Variants in ARHGAP26 observed in about 807,000 individuals in gnomAD.
ARHGAP26 encodes Rho GTPase activating protein 26, also known as rho GTPase-activating protein 26.
ARHGAP26 carries 38 observed loss-of-function variants against 104.8 expected under a neutral mutation model. The ratio of observed to expected loss-of-function variants is 0.36; its 90% CI spans 0.28 to 0.48. The LOEUF is 0.48. ARHGAP26 is among the 20% of genes least tolerant of loss of function. The pLI, the probability that ARHGAP26 is intolerant of heterozygous loss-of-function variation, is 0.99. For synonymous variants in ARHGAP26, 341 were observed against 340.0 expected, an observed-to-expected ratio of 1.00 and a Z score of -0.03; for missense variants, 704 against 947.9, an observed-to-expected ratio of 0.74 and a Z score of 3.38.
chr5:142,843,106 C>G (rs1771132779), intron 1 of ARHGAP26, among the ~76,000 whole-genome samples: 2 of 152,190 alleles, frequency 1.3e-5, no homozygotes, highest in African/African-American at 4.8e-5. Flanking sequence ...GGGTTGCTTT[C>G]TATGTCTGGA....
At chr5:143,079,456 CA>C (rs1789503238) in intron 17 of ARHGAP26, among the ~76,000 whole-genome samples, 1 of 152,144 alleles carries the variant, frequency 6.6e-6, no homozygotes, top group South Asian at 2.1e-4. Flanking sequence ...GGAGATCACC[CA>C]GGAAGCTCCC....
At position 142,890,151 on chromosome 5, in the gene ARHGAP26, AATATATATATATATATATATATAT is replaced by A. The variant is rs752591382; in HGVS notation, c.487-4064_487-4041del. On this transcript the variant is annotated intron_variant, in intron 5 of 22. Coordinates refer to ENST00000645722, the MANE Select transcript of ARHGAP26 (RefSeq NM_001135608.3). ...AACTCCGTCTTAAAAAAAAAAAAAAAATATATATATATATATATATATATATATATATATATATATATATATGAA... is the reference window on the plus strand; with the variant it reads ...AACTCCGTCTTAAAAAAAAAAAAAAAATATATATATATATATATATATGAA... Among the ~76,000 whole-genome samples the A allele has an allele frequency of 4.3e-3, 140 of 32,448 alleles. 2 individuals are homozygous for A. Among genetic ancestry groups the A allele is most frequent in the Non-Finnish European group, 5.4e-3 (99 of 18,296 alleles). 21.3% of individuals were successfully genotyped at this position (32,448 alleles called of 152,430 possible).
chr5:142,809,530 A>G (rs1170651725), intron 1 of ARHGAP26, among the ~76,000 whole-genome samples: 1 of 152,206 alleles, frequency 6.6e-6, no homozygotes, highest in African/African-American at 2.4e-5. Flanking sequence ...CCAGGCAGTG[A>G]GTCCCGGTGG....
intron 1 of ARHGAP26, among the ~76,000 whole-genome samples, chr5:142,777,884 T>C (rs943845358): frequency 2.0e-5 from 3 of 152,288 alleles, no homozygotes; most frequent in Non-Finnish European, 4.4e-5. Context: ...TTATTCTAAG[T>C]GTGATGGGCA....
chr5:143,216,276 G>A (rs774962641), intron 22 of ARHGAP26: 23 of 470,942 alleles, frequency 4.9e-5, no homozygotes, highest in Admixed American at 2.4e-5. Context: ...TCCACTGGCC[G>A]CCTGACACAT....
chr5:143,224,167 A>C lies in ARHGAP26; in HGVS notation c.*1721A>C, dbSNP rs979131350. Reference sequence around the variant, plus strand: ...AGTGATTTGAAATACTATATGGCAAAGTTTTATATTTGATATTCTTTAAGT... The same window carrying C: ...AGTGATTTGAAATACTATATGGCAACGTTTTATATTTGATATTCTTTAAGT... On this transcript the variant is annotated 3_prime_UTR_variant, in exon 23 of 23. Coordinates refer to ENST00000645722, the MANE Select transcript of ARHGAP26 (RefSeq NM_001135608.3). The C allele has an allele frequency of 4.3e-6, 1 of 230,048 alleles. No homozygotes were observed. The highest frequency in any genetic ancestry group is 5.7e-5 in the Admixed American group (1 of 17,662). 14.3% of individuals were successfully genotyped at this position (230,048 alleles called of 1,614,324 possible). A position where few individuals can be genotyped will look rare whatever the true frequency, so the allele number is the denominator to read the frequency against.
chr5:142,870,966 A>C (rs1755198818), intron 1 of ARHGAP26, among the ~76,000 whole-genome samples: 1 of 152,224 alleles, frequency 6.6e-6, no homozygotes, highest in Non-Finnish European at 1.5e-5. Flanking sequence ...ACAGGTGTCC[A>C]CTTTAGCTGT....
chr5:142,793,096 T>C (rs1485372942), intron 1 of ARHGAP26, among the ~76,000 whole-genome samples: 1 of 151,966 alleles, frequency 6.6e-6, no homozygotes, highest in Non-Finnish European at 1.5e-5. Flanking sequence ...TGCCCTCGAG[T>C]AGTGGGACCG....
chr5:143,208,109 T>A (rs1464751626), intron 21 of ARHGAP26, among the ~76,000 whole-genome samples: 1 of 152,186 alleles, frequency 6.6e-6, no homozygotes, highest in South Asian at 2.1e-4. Flanking sequence ...ACCTAGTTCC[T>A]CTTCTCAGGG....
intron 1 of ARHGAP26, among the ~76,000 whole-genome samples, chr5:142,812,381 CAG>C (rs1364845026): frequency 4.7e-5 from 7 of 149,714 alleles, no homozygotes; most frequent in African/African-American, 1.7e-4. Flanking sequence ...TTTTTTTTGA[CAG>C]AGGAGTGTAG....
At chr5:142,833,112 A>G (rs1184784828) in intron 1 of ARHGAP26, among the ~76,000 whole-genome samples, 4 of 152,148 alleles carry the variant, frequency 2.6e-5, no homozygotes, top group East Asian at 1.9e-4. Flanking sequence ...CTGGAATGCA[A>G]TGGCATGATC....
intron 1 of ARHGAP26, among the ~76,000 whole-genome samples, chr5:142,867,329 T>G (rs1172652051): frequency 2.3e-5 from 3 of 130,796 alleles, no homozygotes; most frequent in Non-Finnish European, 4.8e-5. Context: ...GTGTGTGTGT[T>G]TTGTTTGTTT....
At chr5:142,987,235 G>T (rs1562210193) in intron 11 of ARHGAP26, among the ~76,000 whole-genome samples, 1 of 152,114 alleles carries the variant, frequency 6.6e-6, no homozygotes, top group African/African-American at 2.4e-5. Flanking sequence ...GGATTCCTAG[G>T]TATTTTATTC....
intron 11 of ARHGAP26, among the ~76,000 whole-genome samples, chr5:142,977,522 A>G (rs1175452072): frequency 6.6e-6 from 1 of 152,282 alleles, no homozygotes; most frequent in Non-Finnish European, 1.5e-5. Flanking sequence ...GGGCTGCCAC[A>G]GGTCAGCCAG....
At chr5:142,825,651 C>A (rs770911496) in intron 1 of ARHGAP26, among the ~76,000 whole-genome samples, 20 of 152,300 alleles carry the variant, frequency 1.3e-4, no homozygotes, top group Admixed American at 5.2e-4. Flanking sequence ...ACGATACATT[C>A]CTTCTGGGAC....
At chr5:142,819,301 A>G (rs1765684609) in intron 1 of ARHGAP26, among the ~76,000 whole-genome samples, 2 of 144,064 alleles carry the variant, frequency 1.4e-5, no homozygotes, top group Admixed American at 1.4e-4. Flanking sequence ...GAGGTCAACC[A>G]TGGTCCTTGC....
intron 11 of ARHGAP26, among the ~76,000 whole-genome samples, chr5:142,956,044 G>A (rs40360): frequency 0.079 from 12,079 of 152,202 alleles, 733 homozygotes; most frequent in East Asian, 0.26. Context: ...AATATTCAAA[G>A]CCATATTGTG....
intron 7 of ARHGAP26, among the ~76,000 whole-genome samples, chr5:142,903,060 C>G (rs1760595231): frequency 1.3e-5 from 2 of 152,194 alleles, no homozygotes. Flanking sequence ...TGCCTTTCCT[C>G]TAGCCTTGTC....
chr5:143,140,024 T>A (rs1173422254), intron 19 of ARHGAP26, among the ~76,000 whole-genome samples: 1 of 152,224 alleles, frequency 6.6e-6, no homozygotes, highest in Non-Finnish European at 1.5e-5. Context: ...AATGCGTTTC[T>A]TGGAACAGTG....
Sources: gnomAD v4.1 joint callset for allele counts (sites outside exome capture counted in the v4.1 genomes callset) on GRCh38, gnomAD v4.1.1 for gene constraint, MANE v1.5 for transcripts, NCBI Gene and HGNC (gene_info 2026-07-23, HGNC 2026-07-21) for gene names.